The following KLRD1 variants were observed in gnomAD, a reference collection of about 807,000 sequenced individuals.
The protein encoded by KLRD1 is natural killer cells antigen CD94.
Under a neutral mutation model 22.6 loss-of-function variants are expected in KLRD1, and 21 were observed. The ratio of observed to expected loss-of-function variants is 0.93; its 90% confidence interval spans 0.66 to 1.34. The LOEUF (loss-of-function observed/expected upper bound fraction) is 1.34, where lower values mean the gene tolerates loss of function less well. Ranked by LOEUF, KLRD1 falls within the 40% of genes most tolerant of loss-of-function variation. The pLI is 0.00. For synonymous variants in KLRD1, 59 were observed against 71.1 expected, an observed-to-expected ratio of 0.83 and a Z score of 0.85; for missense variants, 183 against 208.6, an observed-to-expected ratio of 0.88 and a Z score of 0.76.
At chr12:10,288,257 A>AG (rs1949729584) in intron 1 of KLRD1, among the ~76,000 whole-genome samples, 2 of 150,794 alleles carry the variant, frequency 1.3e-5, no homozygotes, top group African/African-American at 2.5e-5. Context: ...AAAAAAAAAA[A>AG]GAAAGATCAG....
rs1950075129 is a variant in KLRD1 at position 10,311,678 on chromosome 12, G to A, written c.315+63G>A. Reference sequence around the variant, plus strand: ...CTAGAAAAATATACTATCTAAACAAGTTAAATACTTTGGTTTAAGTCATTA... The same window carrying A: ...CTAGAAAAATATACTATCTAAACAAATTAAATACTTTGGTTTAAGTCATTA... On this transcript the variant is annotated intron_variant, in intron 4 of 5. Coordinates refer to ENST00000336164, the MANE Select transcript of KLRD1 (RefSeq NM_002262.5). 6 of 1,518,758 alleles carry A rather than the reference G, an allele frequency of 4.0e-6. No homozygotes were observed. In the South Asian group the frequency reaches 7.1e-5, roughly 18 times the overall value. The allele number at this position is 1,518,758 out of a possible 1,614,324, so 94.1% of individuals were successfully genotyped here.
chr12:10,247,426 T>C (rs1245831757), intron 1 of KLRD1, among the ~76,000 whole-genome samples: 3 of 152,206 alleles, frequency 2.0e-5, no homozygotes, highest in Non-Finnish European at 2.9e-5. Context: ...CTTACACTTT[T>C]TGTGTAAGTA....
At chr12:10,288,280 C>G (rs1018756810) in intron 1 of KLRD1, among the ~76,000 whole-genome samples, 4 of 150,714 alleles carry the variant, frequency 2.7e-5, no homozygotes, top group Admixed American at 1.3e-4. Context: ...AGTACATAGT[C>G]AAGTACGTGT....
In KLRD1 at chr12:10,314,273, G is replaced by A. The variant is rs373791434; in HGVS notation, c.420-400G>A. Among the ~76,000 whole-genome samples, 7 of 152,242 alleles carry A rather than the reference G, an allele frequency of 4.6e-5. No homozygotes were observed. The East Asian group carries it at 5.8e-4, about 13-fold the overall frequency. ...TACTATAGACTCATTGTCTGTATGT[G>A]TGTACTTTTTGAATCTCATTTTCAT... On this transcript the variant is annotated intron_variant, in intron 5 of 5. Transcript: ENST00000336164.
chr12:10,289,454 T>A (rs967359280), intron 1 of KLRD1, among the ~76,000 whole-genome samples: 6 of 152,258 alleles, frequency 3.9e-5, no homozygotes, highest in African/African-American at 1.4e-4. Flanking sequence ...TCAGGGAAAC[T>A]GTCAATGTTT....
chr12:10,256,082 G>A (rs1268025331), intron 1 of KLRD1, among the ~76,000 whole-genome samples: 1 of 151,838 alleles, frequency 6.6e-6, no homozygotes, highest in Admixed American at 6.6e-5. Context: ...GATATTCTTT[G>A]TCTTTTATAT....
chr12:10,267,040 G>A (rs1018910420), intron 1 of KLRD1, among the ~76,000 whole-genome samples: 12 of 150,952 alleles, frequency 7.9e-5, no homozygotes, highest in Admixed American at 4.0e-4. Flanking sequence ...CCATTAACTC[G>A]TCATTTAACA....
At chr12:10,275,048 C>T (rs966945641) in intron 1 of KLRD1, among the ~76,000 whole-genome samples, 30 of 152,082 alleles carry the variant, frequency 2.0e-4, no homozygotes, top group African/African-American at 7.2e-4. Flanking sequence ...TGCCACCACA[C>T]CCAGCTAATT....
Position 10,328,242 on chromosome 12 carries a change from C to T in KLRD1, c.*13449C>T, listed in dbSNP as rs1354936524. On this transcript the variant is annotated 3_prime_UTR_variant, in exon 6 of 6. Coordinates refer to ENST00000336164, the MANE Select transcript of KLRD1 (RefSeq NM_002262.5). ...GCTTGGGAAAGATGGCCATTAATTT[C>T]TCCTTAAATATTTGGTGGCTTCACC... 6.6e-6 allele frequency: 1 copy of T among 152,070 alleles called. No individual in the cohort carries two copies. The highest frequency in any genetic ancestry group is 1.9e-4 in the East Asian group (1 of 5,196). The allele number at this position is 152,070 out of a possible 1,614,324, so 9.4% of individuals were successfully genotyped here.
chr12:10,284,199 T>C (rs547229814), intron 1 of KLRD1, among the ~76,000 whole-genome samples: 5 of 147,468 alleles, frequency 3.4e-5, no homozygotes, highest in East Asian at 2.0e-4. Context: ...AAAACAACAG[T>C]AACAACAACA....
At chr12:10,258,406 G>A (rs1288577199) in intron 1 of KLRD1, among the ~76,000 whole-genome samples, 1 of 152,138 alleles carries the variant, frequency 6.6e-6, no homozygotes, top group African/African-American at 2.4e-5. Flanking sequence ...GGCTTTGGAA[G>A]TAGAACATAT....
At chr12:10,288,286 C>T (rs2617131) in intron 1 of KLRD1, among the ~76,000 whole-genome samples, 147,951 of 151,258 alleles carry the variant, frequency 0.98, 72,440 homozygotes, top group East Asian at 1. Flanking sequence ...TAGTCAAGTA[C>T]GTGTGCATGC....
chr12:10,274,382 T>C (rs1949574956), intron 1 of KLRD1, among the ~76,000 whole-genome samples: 1 of 152,184 alleles, frequency 6.6e-6, no homozygotes, highest in Non-Finnish European at 1.5e-5. Context: ...ATTTATGTAG[T>C]GCAAACATTA....
At chr12:10,311,219 A>G (rs1289868130) in intron 3 of KLRD1, among the ~76,000 whole-genome samples, 1 of 152,180 alleles carries the variant, frequency 6.6e-6, no homozygotes, top group South Asian at 2.1e-4. Flanking sequence ...TCATCACTAA[A>G]TATCGTTAAT....
intron 1 of KLRD1, among the ~76,000 whole-genome samples, chr12:10,268,810 C>G (rs1323798090): frequency 6.6e-6 from 1 of 152,132 alleles, no homozygotes; most frequent in Non-Finnish European, 1.5e-5. Flanking sequence ...CTTATAAATA[C>G]TCTTAATCAA....
Position 10,320,967 on chromosome 12 carries a change from T to G in KLRD1, c.*6174T>G, listed in dbSNP as rs1036712608. ...GAGTTCATAGAAAACCTCAAAACACTTTTGAGATGACTATGTCAGTAGAAA... is the reference window on the plus strand; with the variant it reads ...GAGTTCATAGAAAACCTCAAAACACGTTTGAGATGACTATGTCAGTAGAAA... On this transcript the variant is annotated 3_prime_UTR_variant, in exon 6 of 6. Coordinates refer to ENST00000336164, the MANE Select transcript of KLRD1 (RefSeq NM_002262.5). 2 of 152,182 alleles carry G rather than the reference T, an allele frequency of 1.3e-5. No homozygotes were observed. Among genetic ancestry groups the G allele is most frequent in the Admixed American group, 1.3e-4 (2 of 15,280 alleles). 9.4% of individuals were successfully genotyped at this position (152,182 alleles called of 1,614,324 possible). A position where few individuals can be genotyped will look rare whatever the true frequency, so the allele number is the denominator to read the frequency against.
At chr12:10,257,482 C>CTTT (rs56871156) in intron 1 of KLRD1, among the ~76,000 whole-genome samples, 55 of 97,344 alleles carry the variant, frequency 5.7e-4, no homozygotes, top group African/African-American at 2.1e-3. Context: ...GTAGCTGATT[C>CTTT]TTTTTTTTTT....
At chr12:10,256,544 T>C (rs775504522) in intron 1 of KLRD1, among the ~76,000 whole-genome samples, 13 of 151,556 alleles carry the variant, frequency 8.6e-5, no homozygotes, top group Admixed American at 2.0e-4. Context: ...TTTAACAACC[T>C]ATTTTTAATC....
intron 1 of KLRD1, among the ~76,000 whole-genome samples, chr12:10,251,831 G>C (rs181349214): frequency 6.6e-6 from 1 of 152,024 alleles, no homozygotes; most frequent in African/African-American, 2.4e-5. Context: ...ATGCCTCTGC[G>C]GACCTGACAG....
Sources: gnomAD v4.1 joint callset for allele counts (sites outside exome capture counted in the v4.1 genomes callset) on GRCh38, gnomAD v4.1.1 for gene constraint, MANE v1.5 for transcripts, NCBI Gene and HGNC (gene_info 2026-07-23, HGNC 2026-07-21) for gene names.